The following PLAC1 variants were observed in gnomAD, a reference collection of about 807,000 sequenced individuals.
PLAC1 encodes the protein placenta associated 1.
For synonymous variants in PLAC1, 68 were observed against 62.1 expected (o/e 1.09, Z -0.44); for missense variants, 136 against 163.2 (o/e 0.83, Z 0.91).
At chrX:134,758,441 A>T (rs768732069) in intron 1 of PLAC1, among the ~76,000 whole-genome samples, 2 of 112,212 alleles carry the variant, frequency 1.8e-5, no homozygotes, top group East Asian at 5.6e-4. Context: ...GTAATGGTAT[A>T]AAAACAGACA....
Position 134,723,853 on chromosome X carries a change from C to A in PLAC1, n.174+9582G>T, listed in dbSNP as rs764268694. On this transcript the variant is annotated intron_variant and non_coding_transcript_variant, in intron 2 of 2. Coordinates refer to the PLAC1 transcript ENST00000466797. ...ATAAACATCTTTGCAACCATTTATGCTTATAATTTTAAAATTGCATGATGA... is the reference window on the plus strand; with the variant it reads ...ATAAACATCTTTGCAACCATTTATGATTATAATTTTAAAATTGCATGATGA... Among the ~76,000 whole-genome samples, 4 of 110,972 alleles carry A rather than the reference C, an allele frequency of 3.6e-5. No individual in the cohort carries two copies. The East Asian group carries it at 1.1e-3, about 31-fold the overall frequency.
Position 134,565,967 on chromosome X carries a change from G to A in PLAC1, c.*77C>T, listed in dbSNP as rs761598063. On this transcript the variant is annotated 3_prime_UTR_variant, in exon 3 of 3. Coordinates refer to ENST00000359237, the MANE Select transcript of PLAC1 (RefSeq NM_021796.4). ...AAGTGCTCACATGAGGGTCACAAGA[G>A]CACTTATTTGTCAGACATTTGTACA... 78 of 894,041 alleles carry A rather than the reference G, an allele frequency of 8.7e-5. No individual in the cohort carries two copies. The highest frequency in any genetic ancestry group is 8.7e-4 in the Middle Eastern group (3 of 3,446). The allele number at this position is 894,041 out of a possible 1,213,427, so 73.7% of individuals were successfully genotyped here.
chrX:134,681,278 T>C lies in PLAC1; in HGVS notation n.174+52157A>G, dbSNP rs2078494989. Reference sequence around the variant, plus strand: ...TGTATGATGAGATTTAAATGAGTGGTAAACACTTTGGTCGTTAAGAGGAGG... The same window carrying C: ...TGTATGATGAGATTTAAATGAGTGGCAAACACTTTGGTCGTTAAGAGGAGG... On this transcript the variant is annotated intron_variant and non_coding_transcript_variant, in intron 2 of 2. Coordinates refer to the PLAC1 transcript ENST00000466797. 3.6e-5 allele frequency among the ~76,000 whole-genome samples: 4 copies of C among 111,306 alleles called. No individual in the cohort carries two copies. In the South Asian group the frequency reaches 1.5e-3, roughly 43 times the overall value.
rs1233744341 is a variant in PLAC1, at chrX:134,617,714, G to T, written c.-130-15592C>A. 3.6e-5 allele frequency among the ~76,000 whole-genome samples: 4 copies of T among 111,865 alleles called. No individual in the cohort carries two copies. In the East Asian group the frequency reaches 1.1e-3, roughly 31 times the overall value. On this transcript the variant is annotated intron_variant, in intron 1 of 2. Transcript: ENST00000359237. ...TGATATATAATCTTTTTGATGCATT[G>T]TCATGGAATTCTTGCCACACCAATC...
chrX:134,684,880 C>A (rs1336284137), intron 2 of PLAC1, among the ~76,000 whole-genome samples: 1 of 112,274 alleles, frequency 8.9e-6, no homozygotes, highest in African/African-American at 3.2e-5. Flanking sequence ...AAAGCTGGCC[C>A]TAGGCATATC....
At chrX:134,711,747 CAAG>C (rs2078628710) in intron 2 of PLAC1, among the ~76,000 whole-genome samples, 1 of 111,516 alleles carries the variant, frequency 9.0e-6, no homozygotes, top group Admixed American at 9.5e-5. Flanking sequence ...ATGTCAGCAG[CAAG>C]AAGGTCTGGG....
At chrX:134,662,398 T>G (rs1458771623), upstream of PLAC1, among the ~76,000 whole-genome samples, 2 of 112,715 alleles carry the variant, frequency 1.8e-5, no homozygotes, top group Admixed American at 9.4e-5. Flanking sequence ...GGACATCTCT[T>G]CCCAACTCCA....
At chrX:134,688,031 T>C (rs1362788794) in intron 2 of PLAC1, among the ~76,000 whole-genome samples, 10 of 105,758 alleles carry the variant, frequency 9.5e-5, no homozygotes, top group African/African-American at 3.5e-4. Context: ...ACAGGAAGAA[T>C]GGTGGAAGGG....
intron 2 of PLAC1, among the ~76,000 whole-genome samples, chrX:134,583,448 T>A (rs1602798768): frequency 1.3e-5 from 1 of 77,639 alleles, no homozygotes. Flanking sequence ...TTTTTTTTTT[T>A]AAATGCCCAG....
Position 134,565,926 on chromosome X carries a change from G to C in PLAC1, c.*118C>G. 4 of 526,006 alleles carry C rather than the reference G, an allele frequency of 7.6e-6. No homozygotes were observed. Among genetic ancestry groups the C allele is most frequent in the Non-Finnish European group, 1.3e-5 (4 of 319,090 alleles). The allele number at this position is 526,006 out of a possible 1,213,427, so 43.3% of individuals were successfully genotyped here. A position where few individuals can be genotyped will look rare whatever the true frequency, so the allele number is the denominator to read the frequency against. On this transcript the variant is annotated 3_prime_UTR_variant, in exon 3 of 3. Coordinates refer to ENST00000359237, the MANE Select transcript of PLAC1 (RefSeq NM_021796.4). ...AGGCTTAATTCATGAAGTTGCTATA[G>C]GTTTCTCTTTCTCAAAAGTGCTCAC...
chrX:134,623,617 A>C (rs1347318322), intron 1 of PLAC1, among the ~76,000 whole-genome samples: 2 of 111,865 alleles, frequency 1.8e-5, no homozygotes, highest in African/African-American at 6.5e-5. Flanking sequence ...TAGCTCAGGG[A>C]TCTCTGCTCC....
intron 1 of PLAC1, among the ~76,000 whole-genome samples, chrX:134,759,362 G>A (rs1407623133): frequency 9.0e-6 from 1 of 110,612 alleles, no homozygotes; most frequent in Non-Finnish European, 1.9e-5. Flanking sequence ...TATTGTCCGG[G>A]CTGGTCTCAA....
intron 2 of PLAC1, among the ~76,000 whole-genome samples, chrX:134,586,501 G>C (rs1172025641): frequency 9.0e-6 from 1 of 110,940 alleles, no homozygotes; most frequent in African/African-American, 3.3e-5. Context: ...TTAAACCCGA[G>C]GGGCCGTGAA....
At chrX:134,579,354 C>T (rs751266273) in intron 2 of PLAC1, among the ~76,000 whole-genome samples, 7 of 111,619 alleles carry the variant, frequency 6.3e-5, no homozygotes, top group African/African-American at 2.0e-4. Flanking sequence ...GCTTCTCTGC[C>T]TTACAACTCA....
At chrX:134,663,522 A>G (rs2078424782) in intron 2 of PLAC1, among the ~76,000 whole-genome samples, 1 of 112,993 alleles carries the variant, frequency 8.9e-6, no homozygotes, top group Non-Finnish European at 1.9e-5. Context: ...AAGAAGGGGC[A>G]TAGGTCTGAG....
At chrX:134,621,492 C>T (rs1245244186) in intron 1 of PLAC1, among the ~76,000 whole-genome samples, 3 of 98,756 alleles carry the variant, frequency 3.0e-5, no homozygotes, top group Non-Finnish European at 6.1e-5. Context: ...AATCCTCGGT[C>T]TTGTTTGAGA....
intron 2 of PLAC1, among the ~76,000 whole-genome samples, chrX:134,586,839 T>TTGTG (rs757041226): frequency 0.018 from 1,390 of 76,594 alleles, 29 homozygotes; most frequent in African/African-American, 0.034. Context: ...CCCAGCTAAT[T>TTGTG]TGTGTGTGTG....
intron 2 of PLAC1, among the ~76,000 whole-genome samples, chrX:134,569,135 A>G (rs971183351): frequency 9.0e-6 from 1 of 111,422 alleles, no homozygotes; most frequent in African/African-American, 3.3e-5. Context: ...CAGAGAGCTA[A>G]GCCATCCATT....
At chrX:134,726,707 C>A (rs964355387) in intron 2 of PLAC1, among the ~76,000 whole-genome samples, 5 of 106,683 alleles carry the variant, frequency 4.7e-5, no homozygotes, top group Non-Finnish European at 7.7e-5. Context: ...CCTGTAGTCC[C>A]AGCTACTCAG....
Sources: allele counts gnomAD v4.1 joint callset (sites outside exome capture counted in the v4.1 genomes callset), GRCh38; gene constraint gnomAD v4.1.1; transcripts MANE v1.5; gene names NCBI Gene and HGNC (gene_info 2026-07-23, HGNC 2026-07-21).